The following DSCAM variants were observed in gnomAD, a reference collection of about 807,000 sequenced individuals.
The protein encoded by DSCAM is cell adhesion molecule DSCAM.
In DSCAM, 47 loss-of-function variants were observed where a neutral mutation model predicts 217.7. That is an observed-to-expected ratio of 0.22 (90% CI 0.17 to 0.28). The LOEUF is 0.28. Ranked by LOEUF, DSCAM falls within the 10% of genes least tolerant of loss-of-function variation. DSCAM has a pLI of 1.00. For missense variants in DSCAM, 2,080 were observed against 2,618.3 expected, an observed-to-expected ratio of 0.79 and a Z score of 4.49; for synonymous variants, 1,056 against 1,015.3, an observed-to-expected ratio of 1.04 and a Z score of -0.76.
intron 3 of DSCAM, among the ~76,000 whole-genome samples, chr21:40,489,545 C>T (rs956861202): frequency 1.9e-4 from 29 of 151,942 alleles, no homozygotes; most frequent in African/African-American, 6.3e-4. Context: ...GAGGCCGAGG[C>T]GGGCGGATCA....
At chr21:40,276,441 T>G (rs2073688734) in intron 10 of DSCAM, among the ~76,000 whole-genome samples, 171 bp from the exon 11 acceptor site, 1 of 152,186 alleles carries the variant, frequency 6.6e-6, no homozygotes, top group African/African-American at 2.4e-5. Context: ...AATTCTTGTT[T>G]AGAGAGAAAA....
chr21:40,314,691 T>C lies in DSCAM; in HGVS notation c.1784-2332A>G, dbSNP rs756214351. On this transcript the variant is annotated intron_variant, in intron 8 of 32. Coordinates refer to ENST00000400454, the MANE Select transcript of DSCAM (RefSeq NM_001389.5). Reference sequence around the variant, plus strand: ...TGATTTCCTGGACACAAAAACCTGGTTGTCAGCATACTCAGACAAACCTTG... The same window carrying C: ...TGATTTCCTGGACACAAAAACCTGGCTGTCAGCATACTCAGACAAACCTTG... Among the ~76,000 whole-genome samples the C allele has an allele frequency of 2.6e-4, 40 of 152,202 alleles. 1 individual carries two copies. The highest frequency in any genetic ancestry group is 5.3e-4 in the Non-Finnish European group (36 of 68,046).
At chr21:40,419,138 CT>C (rs58690151) in intron 3 of DSCAM, among the ~76,000 whole-genome samples, 93,976 of 138,264 alleles carry the variant, frequency 0.68, 31,824 homozygotes, top group African/African-American at 0.77. Flanking sequence ...ACCCGGCTAG[CT>C]TTTTTTTTTT....
chr21:40,655,398 A>T (rs2090062662), intron 3 of DSCAM, among the ~76,000 whole-genome samples: 1 of 151,280 alleles, frequency 6.6e-6, no homozygotes, highest in African/African-American at 2.4e-5. Flanking sequence ...GCACCTTTAC[A>T]TGGGAGAAGG....
chr21:40,060,443 TAC>T (rs1170853655), intron 28 of DSCAM, among the ~76,000 whole-genome samples: 3 of 152,278 alleles, frequency 2.0e-5, no homozygotes, highest in Non-Finnish European at 2.9e-5. Flanking sequence ...AGGCATGATT[TAC>T]AGTTTGGGAG....
Position 40,131,027 on chromosome 21 carries a change from C to T in DSCAM, c.3562+2827G>A, listed in dbSNP as rs1301530020. ...ATAAACGCTGAAACTTCAACCTGAG[C>T]CTAAAATAGTATCTTATTGAGAAAG... On this transcript the variant is annotated intron_variant, in intron 19 of 32. Coordinates refer to ENST00000400454, the MANE Select transcript of DSCAM (RefSeq NM_001389.5). Among the ~76,000 whole-genome samples, 5 of 152,068 alleles carry T rather than the reference C, an allele frequency of 3.3e-5. 1 individual carries two copies. Among genetic ancestry groups the T allele is most frequent in the Admixed American group, 3.3e-4 (5 of 15,250 alleles).
intron 15 of DSCAM, among the ~76,000 whole-genome samples, chr21:40,175,837 A>G (rs2090723594): frequency 6.7e-6 from 1 of 150,350 alleles, no homozygotes; most frequent in Admixed American, 6.6e-5. Context: ...ACACACACAT[A>G]CTCTGCTCAT....
chr21:40,027,280 C>A (rs1290284905), intron 32 of DSCAM, among the ~76,000 whole-genome samples: 1 of 152,296 alleles, frequency 6.6e-6, no homozygotes, highest in Admixed American at 6.5e-5. Context: ...TTGAGGGTAA[C>A]CCGACCTTTC....
At chr21:40,293,402 A>C (rs2073917757) in intron 10 of DSCAM, among the ~76,000 whole-genome samples, 1 of 152,134 alleles carries the variant, frequency 6.6e-6, no homozygotes, top group African/African-American at 2.4e-5. Context: ...GGAGAGGCAG[A>C]ACTCTTCCTA....
intron 3 of DSCAM, among the ~76,000 whole-genome samples, chr21:40,376,850 C>A (rs1383873568): frequency 4.6e-5 from 7 of 151,552 alleles, no homozygotes; most frequent in Non-Finnish European, 8.8e-5. Context: ...AGAAGAGCCC[C>A]CTAAAGAGAA....
rs1568855045 is a variant in DSCAM at position 40,498,715 on chromosome 21, GTATATATATATGGGTGTGTGTATATA to G, written c.509-129496_509-129471del. 7.6e-3 allele frequency among the ~76,000 whole-genome samples: 122 copies of G among 16,080 alleles called. 10 individuals are homozygous for G. The highest frequency in any genetic ancestry group is 0.045 in the South Asian group (16 of 352). The allele number at this position is 16,080 out of a possible 152,430, so 10.5% of individuals were successfully genotyped here. On this transcript the variant is annotated intron_variant, in intron 3 of 32. Coordinates refer to ENST00000400454, the MANE Select transcript of DSCAM (RefSeq NM_001389.5). ...TATATATAGATATATATATATGGGT[GTATATATATATGGGTGTGTGTATATA>G]TATATATATATATATGGGTGTATAT... is the stretch of plus-strand genomic sequence containing the variant.
At chr21:40,018,413 G>A (rs918446368) in intron 32 of DSCAM, among the ~76,000 whole-genome samples, 10 of 151,536 alleles carry the variant, frequency 6.6e-5, no homozygotes, top group African/African-American at 2.4e-4. Flanking sequence ...TGAGGAAATG[G>A]GACAGACATT....
chr21:40,742,939 C>T (rs1038319937), intron 1 of DSCAM, among the ~76,000 whole-genome samples: 1 of 152,122 alleles, frequency 6.6e-6, no homozygotes, highest in African/African-American at 2.4e-5. Flanking sequence ...GCAGTATCCC[C>T]TAAATTACCC....
At position 40,055,819 on chromosome 21, in the gene DSCAM, A is replaced by T; in HGVS notation, c.4941T>A (p.Asp1647Glu). ...GGGTCTGCTGTTGCTTGCTTAACGT[A>T]TCTGAAGTCCGGGTATTCTTACTGG... ...MLMSKNTRTS[D>E]TLSKQQQTLR... The change falls in exon 29 of 33, where the codon GAT (aspartate) becomes GAA (glutamate). Residue 1647 changes from aspartate to glutamate, a missense_variant. Asp to Glu is a conservative substitution (Grantham distance 45). Around this residue, in one of 5 missense-constraint regions of DSCAM, gnomAD observed 1,144 missense variants for 1,421.1 expected, o/e 0.81. Transcript: ENST00000400454. 4 of 1,613,592 alleles carry T rather than the reference A, an allele frequency of 2.5e-6. No homozygotes were observed. The highest frequency in any genetic ancestry group is 3.4e-6 in the Non-Finnish European group (4 of 1,179,530).
chr21:40,494,835 T>C (rs896398511), intron 3 of DSCAM, among the ~76,000 whole-genome samples: 14 of 146,820 alleles, frequency 9.5e-5, no homozygotes, highest in Admixed American at 7.5e-4. Context: ...TTTTTTTTTT[T>C]CAAAAATAGA....
At chr21:40,330,629 T>A (rs573925360) in intron 8 of DSCAM, among the ~76,000 whole-genome samples, 1 of 152,170 alleles carries the variant, frequency 6.6e-6, no homozygotes, top group African/African-American at 2.4e-5. Context: ...AGCTGAGTCC[T>A]GCACTCAATT....
chr21:40,530,046 A>G (rs2076431041), intron 3 of DSCAM, among the ~76,000 whole-genome samples: 1 of 152,226 alleles, frequency 6.6e-6, no homozygotes, highest in African/African-American at 2.4e-5. Context: ...ATGAAATAAT[A>G]AGAACTGAAC....
chr21:40,313,120 TAA>T (rs531764117), intron 8 of DSCAM, among the ~76,000 whole-genome samples: 6 of 135,164 alleles, frequency 4.4e-5, no homozygotes, highest in Non-Finnish European at 3.2e-5. Flanking sequence ...TCTAAAAAAC[TAA>T]AAAAAAAAAA....
chr21:40,477,995 T>A (rs1195974667), intron 3 of DSCAM, among the ~76,000 whole-genome samples: 1 of 152,070 alleles, frequency 6.6e-6, no homozygotes, highest in African/African-American at 2.4e-5. Flanking sequence ...CCACCCCCCA[T>A]GCTTCTTTAT....
Sources: gnomAD v4.1 joint callset for allele counts (sites outside exome capture counted in the v4.1 genomes callset) on GRCh38, gnomAD v4.1.1 for gene constraint, gnomAD v4.1.1 regional missense constraint, MANE v1.5 for transcripts, NCBI Gene and HGNC (gene_info 2026-07-23, HGNC 2026-07-21) for gene names.